The following CYRIA variants were observed in gnomAD, a reference collection of about 807,000 sequenced individuals.
The protein encoded by CYRIA is CYFIP-related Rac1 interactor A.
CYRIA carries 15 observed loss-of-function variants against 43.9 expected under a neutral mutation model. The observed-to-expected ratio is 0.34, with a 90% CI of 0.23 to 0.53. CYRIA has a LOEUF of 0.53. Among genes scored for constraint, CYRIA ranks in the 20% least tolerant of loss-of-function variants. CYRIA has a pLI of 0.94. For missense variants in CYRIA, 236 were observed against 394.2 expected (o/e 0.60, Z 3.40); for synonymous variants, 117 against 136.0 (o/e 0.86, Z 0.97).
At chr2:16,558,866 G>C (rs1186853581) in intron 10 of CYRIA, among the ~76,000 whole-genome samples, 4 of 152,060 alleles carry the variant, frequency 2.6e-5, no homozygotes, top group South Asian at 2.1e-4. Context: ...AAGCAAGAAG[G>C]CTTGTCCTAT....
At position 16,590,757 on chromosome 2, in the gene CYRIA, C is replaced by G. The variant is rs912325067; in HGVS notation, c.-10-2628G>C. 3.9e-5 allele frequency among the ~76,000 whole-genome samples: 6 copies of G among 152,258 alleles called. No individual in the cohort carries two copies. The South Asian group carries it at 1.0e-3, about 26-fold the overall frequency. The stretch of plus-strand genomic sequence containing the variant: ...TCTCAGGATTCCAGAAGTGTCACCT[C>G]TCAAGCAAGGACCTCTAGAACAATG... On this transcript the variant is annotated intron_variant, in intron 2 of 11. Transcript: ENST00000381323.
intron 3 of CYRIA, among the ~76,000 whole-genome samples, chr2:16,573,790 C>T (rs1667226147): frequency 1.3e-5 from 2 of 152,196 alleles, no homozygotes; most frequent in African/African-American, 2.4e-5. Flanking sequence ...AATTGTGAGG[C>T]CTCTCTAGCC....
intron 2 of CYRIA, among the ~76,000 whole-genome samples, chr2:16,592,670 T>C (rs903737808): frequency 2.0e-5 from 3 of 152,116 alleles, no homozygotes; most frequent in African/African-American, 7.2e-5. Flanking sequence ...AAAGTAACAA[T>C]ATGATGTGTT....
chr2:16,652,425 C>T (rs1669999885), intron 1 of CYRIA, among the ~76,000 whole-genome samples: 1 of 152,196 alleles, frequency 6.6e-6, no homozygotes, highest in Non-Finnish European at 1.5e-5. Flanking sequence ...CTTTTCTTAG[C>T]CATCCTCTCT....
intron 2 of CYRIA, among the ~76,000 whole-genome samples, chr2:16,608,518 A>G (rs1157007919): frequency 1.3e-5 from 2 of 152,218 alleles, no homozygotes; most frequent in Non-Finnish European, 2.9e-5. Flanking sequence ...TGGACCACGG[A>G]CTAAGCTACT....
At chr2:16,590,815 T>C (rs553630042) in intron 2 of CYRIA, among the ~76,000 whole-genome samples, 1 of 152,242 alleles carries the variant, frequency 6.6e-6, no homozygotes, top group East Asian at 1.9e-4. Context: ...TCTAGTCCCA[T>C]GGAACCTAGA....
At chr2:16,638,010 A>G (rs1371660578) in intron 1 of CYRIA, among the ~76,000 whole-genome samples, 3 of 152,094 alleles carry the variant, frequency 2.0e-5, no homozygotes, top group Non-Finnish European at 4.4e-5. Context: ...TGTGGTGCTG[A>G]GGGCCTGGGT....
chr2:16,559,384 G>A, intron 10 of CYRIA, 76 bp downstream of exon 10: 2 of 1,519,908 alleles, frequency 1.3e-6, no homozygotes, highest in Non-Finnish European at 1.8e-6. Context: ...GTCCTGAGGT[G>A]CCTGAGGAAG....
At chr2:16,620,562 G>T (rs1009788057) in intron 2 of CYRIA, among the ~76,000 whole-genome samples, 5 of 152,166 alleles carry the variant, frequency 3.3e-5, no homozygotes, top group African/African-American at 1.2e-4. Context: ...AGGAACCAGG[G>T]TTTCAAATAA....
Position 16,628,542 on chromosome 2 carries a change from C to T in CYRIA, c.-166-4523G>A, listed in dbSNP as rs141745786. On this transcript the variant is annotated intron_variant, in intron 1 of 11. Coordinates refer to ENST00000381323, the MANE Select transcript of CYRIA (RefSeq NM_030797.4). ...CGCTACACATCCACACTAAGTGCTGCTAACCACTTTTATATACACAGTCAT... is the reference window on the plus strand; with the variant it reads ...CGCTACACATCCACACTAAGTGCTGTTAACCACTTTTATATACACAGTCAT... Among the ~76,000 whole-genome samples, 208 of 152,336 alleles carry T rather than the reference C, an allele frequency of 1.4e-3. 1 individual carries two copies. Among genetic ancestry groups the T allele is most frequent in the African/African-American group, 4.7e-3 (197 of 41,570 alleles).
intron 1 of CYRIA, among the ~76,000 whole-genome samples, chr2:16,654,360 A>ATT (rs1670048181): frequency 1.3e-5 from 2 of 152,242 alleles, no homozygotes; most frequent in Admixed American, 1.3e-4. Flanking sequence ...ACCATATACT[A>ATT]TTTGCATGAA....
intron 11 of CYRIA, among the ~76,000 whole-genome samples, chr2:16,554,037 A>G (rs1270313381): frequency 6.6e-6 from 1 of 152,116 alleles, no homozygotes; most frequent in African/African-American, 2.4e-5. Flanking sequence ...CTCAGGGTCT[A>G]TTTTGTTCAT....
rs183109348 is a variant in CYRIA, at chr2:16,656,893, G to T, written c.-167+8887C>A. ...TCACCAGGGCCAAAATACATCTGAG[G>T]CAACCAGCCAAAGGCACAGAAACAC... On this transcript the variant is annotated intron_variant, in intron 1 of 11. Coordinates refer to ENST00000381323, the MANE Select transcript of CYRIA (RefSeq NM_030797.4). 3.3e-5 allele frequency among the ~76,000 whole-genome samples: 5 copies of T among 152,302 alleles called. No individual in the cohort carries two copies. In the East Asian group the frequency reaches 9.7e-4, roughly 30 times the overall value.
At chr2:16,554,183 CA>C (rs1327142422) in intron 11 of CYRIA, among the ~76,000 whole-genome samples, 13 of 152,230 alleles carry the variant, frequency 8.5e-5, no homozygotes, top group African/African-American at 7.2e-5. Context: ...ATAGGTAGAG[CA>C]TTATTGATCC....
chr2:16,607,908 T>C (rs527978867), intron 2 of CYRIA, among the ~76,000 whole-genome samples: 3 of 152,250 alleles, frequency 2.0e-5, no homozygotes, highest in African/African-American at 7.2e-5. Context: ...TTGCCTCTGT[T>C]TTCTTGCTCA....
chr2:16,564,867 A>T (rs1232062822), intron 4 of CYRIA, among the ~76,000 whole-genome samples: 1 of 152,178 alleles, frequency 6.6e-6, no homozygotes, highest in Non-Finnish European at 1.5e-5. Flanking sequence ...AAAATCTCAT[A>T]AGACATTTGA....
At chr2:16,598,797 G>C (rs2103473129) in intron 2 of CYRIA, among the ~76,000 whole-genome samples, 1 of 119,702 alleles carries the variant, frequency 8.4e-6, no homozygotes, top group Admixed American at 7.9e-5. Context: ...CTTTGGAGGA[G>C]GAGAGGTGCT....
At chr2:16,640,680 T>C (rs1338418653) in intron 1 of CYRIA, among the ~76,000 whole-genome samples, 1 of 152,124 alleles carries the variant, frequency 6.6e-6, no homozygotes, top group African/African-American at 2.4e-5. Context: ...CTGGATCAGA[T>C]CAGGTGCAAC....
At chr2:16,601,320 G>A (rs79927443) in intron 2 of CYRIA, among the ~76,000 whole-genome samples, 3,100 of 152,206 alleles carry the variant, frequency 0.02, 51 homozygotes, top group Non-Finnish European at 0.032. Context: ...GGGGTTGGGG[G>A]GGATTCTGAG....
Sources: gnomAD v4.1 joint callset for allele counts (sites outside exome capture counted in the v4.1 genomes callset) on GRCh38, gnomAD v4.1.1 for gene constraint, MANE v1.5 for transcripts, NCBI Gene and HGNC (gene_info 2026-07-23, HGNC 2026-07-21) for gene names.